Variants in YWHAB observed in about 807,000 individuals in gnomAD.
YWHAB encodes 14-3-3 protein beta/alpha.
A neutral mutation model predicts 28.5 loss-of-function variants in YWHAB; 2 were observed. The ratio of observed to expected loss-of-function variants is 0.07; its 90% CI spans 0.03 to 0.22. The LOEUF (loss-of-function observed/expected upper bound fraction) is 0.22, where lower values mean the gene tolerates loss of function less well. Ranked by LOEUF, YWHAB falls within the 10% of genes least tolerant of loss-of-function variation. YWHAB has a pLI of 1.00. For synonymous variants in YWHAB, 103 were observed against 104.7 expected, an observed-to-expected ratio of 0.98 and a Z score of 0.10; for missense variants, 148 against 297.1, an observed-to-expected ratio of 0.50 and a Z score of 3.69.
At position 44,901,816 on chromosome 20, in the gene YWHAB, A is replaced by G; in HGVS notation, c.283A>G (p.Ile95Val). 1.9e-6 allele frequency: 3 copies of G among 1,599,688 alleles called. No individual in the cohort carries two copies. The highest frequency in any genetic ancestry group is 2.6e-6 in the Non-Finnish European group (3 of 1,168,672). ...GAAGATAGAGGCAGAACTGCAGGAC[A>G]TCTGCAATGATGTTCTGGTAAGAGG... ...REKIEAELQD[I>V]CNDVLELLDK... The change falls in exon 2 of 6, where the codon ATC (isoleucine) becomes GTC (valine). Residue 95 changes from isoleucine (I) to valine (V), a missense_variant. By Grantham distance (29) the Ile-to-Val change is conservative. Coordinates refer to ENST00000353703, the MANE Select transcript of YWHAB (RefSeq NM_139323.4).
At chr20:44,891,617 G>A (rs2066562456) in intron 1 of YWHAB, among the ~76,000 whole-genome samples, 1 of 151,034 alleles carries the variant, frequency 6.6e-6, no homozygotes, top group Admixed American at 6.6e-5. Context: ...AAGCCAAGAA[G>A]TCAATTTATT....
chr20:44,899,643 T>C (rs542817646), intron 1 of YWHAB, among the ~76,000 whole-genome samples: 58 of 152,370 alleles, frequency 3.8e-4, no homozygotes, highest in Admixed American at 3.6e-3. Flanking sequence ...ACTCTTCTTG[T>C]TTAGTAAATA....
intron 1 of YWHAB, 41 bp from the exon 2 acceptor site, chr20:44,901,489 AC>A (rs1327740816): frequency 1.3e-6 from 2 of 1,536,204 alleles, no homozygotes; most frequent in Non-Finnish European, 1.8e-6. Context: ...AGGCCCCGAA[AC>A]CTGACATTTG....
Position 44,907,688 on chromosome 20 carries a change from AC to A in YWHAB, c.*1251del, listed in dbSNP as rs544092525. 9.9e-5 allele frequency: 15 copies of A among 151,670 alleles called. No homozygotes were observed. Among genetic ancestry groups the A allele is most frequent in the African/African-American group, 2.9e-4 (12 of 41,280 alleles). 9.4% of individuals were successfully genotyped at this position (151,670 alleles called of 1,614,324 possible). A position where few individuals can be genotyped will look rare whatever the true frequency, so the allele number is the denominator to read the frequency against. On this transcript the variant is annotated 3_prime_UTR_variant, in exon 6 of 6. Coordinates refer to ENST00000353703, the MANE Select transcript of YWHAB (RefSeq NM_139323.4). ...TTCTATCTTTATCTGTCTTTTGTTC[AC>A]TTTTTAATGCTATATATGGGCAGGG... is the stretch of plus-strand genomic sequence containing the variant.
intron 1 of YWHAB, among the ~76,000 whole-genome samples, chr20:44,899,250 G>T (rs1224628729): frequency 2.6e-5 from 4 of 151,802 alleles, no homozygotes; most frequent in Non-Finnish European, 5.9e-5. Flanking sequence ...AGGCCAAGGC[G>T]GGCAGATCAC....
At chr20:44,890,501 T>A (rs949154767) in intron 1 of YWHAB, among the ~76,000 whole-genome samples, 1 of 57,926 alleles carries the variant, frequency 1.7e-5, no homozygotes, top group African/African-American at 6.4e-5. Context: ...GGATTCCTAC[T>A]TTTTTTTTTT....
intron 1 of YWHAB, among the ~76,000 whole-genome samples, chr20:44,901,135 T>C (rs1477500770): frequency 2.0e-5 from 3 of 152,162 alleles, no homozygotes; most frequent in Non-Finnish European, 4.4e-5. Context: ...GGCAGGTGAA[T>C]TAGGCTAATG....
At chr20:44,901,929 G>A (rs895753791) in intron 2 of YWHAB, 96 bp downstream of exon 2, 20 of 1,362,840 alleles carry the variant, frequency 1.5e-5, no homozygotes, top group African/African-American at 2.9e-5. Flanking sequence ...TGAGAGAGAG[G>A]TGTCTGAATA....
intron 2 of YWHAB, chr20:44,903,769 TTTAA>T (rs1397122637): frequency 1.2e-5 from 5 of 433,498 alleles, no homozygotes; most frequent in African/African-American, 4.2e-5. Flanking sequence ...ATGGCTATAC[TTTAA>T]TTATCCCCTA....
At chr20:44,892,397 A>G (rs544558315) in intron 1 of YWHAB, among the ~76,000 whole-genome samples, 5 of 151,102 alleles carry the variant, frequency 3.3e-5, no homozygotes, top group Admixed American at 3.3e-4. Context: ...AAGGAGAGGC[A>G]TTGTAACCCT....
At chr20:44,892,894 CAT>C (rs1483266480) in intron 1 of YWHAB, among the ~76,000 whole-genome samples, 2 of 152,182 alleles carry the variant, frequency 1.3e-5, no homozygotes, top group Non-Finnish European at 2.9e-5. Context: ...TAATTCCTGA[CAT>C]ATAATAATGG....
chr20:44,903,018 T>G, intron 2 of YWHAB: 1 of 984,566 alleles, frequency 1.0e-6, no homozygotes, highest in Non-Finnish European at 1.2e-6. Context: ...AGCTTGGTAC[T>G]TACTGCCTCT....
At chr20:44,904,665 G>T (rs990518366) in intron 3 of YWHAB, among the ~76,000 whole-genome samples, 1 of 152,110 alleles carries the variant, frequency 6.6e-6, no homozygotes, top group African/African-American at 2.4e-5. Flanking sequence ...CGACTCTAAA[G>T]CCTGTGATGT....
intron 4 of YWHAB, 91 bp downstream of exon 4, chr20:44,905,222 G>A: frequency 7.3e-7 from 1 of 1,368,726 alleles, no homozygotes; most frequent in South Asian, 1.5e-5. Flanking sequence ...CATTGTCTTG[G>A]ACTTTTTTTG....
intron 3 of YWHAB, 115 bp downstream of exon 3, chr20:44,904,231 G>A (rs994252881): frequency 7.6e-7 from 1 of 1,316,270 alleles, no homozygotes; most frequent in African/African-American, 1.5e-5. Context: ...ACAGTACTAA[G>A]AATTTAAAAG....
In YWHAB at chr20:44,897,238, G is replaced by A. The variant is rs140816258; in HGVS notation, c.-3-4293G>A. Among the ~76,000 whole-genome samples, 318 of 152,300 alleles carry A rather than the reference G, an allele frequency of 2.1e-3. 3 individuals are homozygous for A. Among genetic ancestry groups the A allele is most frequent in the African/African-American group, 7.4e-3 (308 of 41,560 alleles). ...GCCTAGTAGAGCTGAAGAGGTTGATGGCATTATTTAGCAACGGCAATCCTT... is the reference window on the plus strand; with the variant it reads ...GCCTAGTAGAGCTGAAGAGGTTGATAGCATTATTTAGCAACGGCAATCCTT... On this transcript the variant is annotated intron_variant, in intron 1 of 5. Coordinates refer to ENST00000353703, the MANE Select transcript of YWHAB (RefSeq NM_139323.4).
chr20:44,897,519 A>G (rs1481089278), intron 1 of YWHAB, among the ~76,000 whole-genome samples: 2 of 152,222 alleles, frequency 1.3e-5, no homozygotes, highest in Non-Finnish European at 2.9e-5. Flanking sequence ...GGGTTATTTA[A>G]TGATGAAGAT....
At chr20:44,890,031 G>T (rs2066551181) in intron 1 of YWHAB, among the ~76,000 whole-genome samples, 1 of 152,164 alleles carries the variant, frequency 6.6e-6, no homozygotes, top group African/African-American at 2.4e-5. Flanking sequence ...GGATACTTAG[G>T]ATCAAATGCG....
chr20:44,893,509 A>C (rs924321808), intron 1 of YWHAB, among the ~76,000 whole-genome samples: 2 of 152,182 alleles, frequency 1.3e-5, no homozygotes, highest in Admixed American at 6.6e-5. Flanking sequence ...ACCAGTGTTA[A>C]CCATTTGGTG....
Sources: allele counts gnomAD v4.1 joint callset (sites outside exome capture counted in the v4.1 genomes callset), GRCh38; gene constraint gnomAD v4.1.1; transcripts MANE v1.5; gene names NCBI Gene and HGNC (gene_info 2026-07-23, HGNC 2026-07-21).